SCYL3: variants seen among roughly 807,000 people sequenced by gnomAD.
SCYL3 encodes protein-associating with the carboxyl-terminal domain of ezrin.
SCYL3 carries 35 observed loss-of-function variants against 73.8 expected under a neutral mutation model. The ratio of observed to expected loss-of-function variants is 0.47; its 90% CI spans 0.36 to 0.63. The LOEUF is 0.63. Among genes scored for constraint, SCYL3 ranks in the 20% least tolerant of loss-of-function variants. The probability of loss-of-function intolerance (pLI) is 0.00; values close to 1 mark genes in which losing one functional copy is unlikely to be tolerated. For missense variants in SCYL3, 712 were observed against 798.9 expected (o/e 0.89, Z 1.31); for synonymous variants, 277 against 295.2 (o/e 0.94, Z 0.63).
At position 169,862,643 on chromosome 1, in the gene SCYL3, C is replaced by T. The variant is rs753670337; in HGVS notation, c.1110G>A (p.Gln370=). Residue 370 remains glutamine (Q), a synonymous_variant, in exon 10 of 13, where the codon CAG becomes CAA. Transcript: ENST00000367771. The part of the protein sequence containing the change: ...HIEAYVEHFT[Q]EQLKKVILPQ... The stretch of plus-strand genomic sequence containing the variant: ...GCAAGATGACTTTCTTCAGCTGCTC[C>T]TGAGTGAAGTGCTCCACGTAGGCCT... 2 of 1,614,212 alleles carry T rather than the reference C, an allele frequency of 1.2e-6. No homozygotes were observed. The highest frequency in any genetic ancestry group is 1.7e-6 in the Non-Finnish European group (2 of 1,180,032).
At chr1:169,890,609 T>G (rs1404502915) in intron 1 of SCYL3, among the ~76,000 whole-genome samples, 3 of 152,204 alleles carry the variant, frequency 2.0e-5, no homozygotes, top group African/African-American at 7.2e-5. Context: ...TGCCTACCGA[T>G]CCACAACCAT....
Position 169,850,314 on chromosome 1 carries a change from C to G in SCYL3, c.*3399G>C. The G allele has an allele frequency of 6.2e-7, 1 of 1,611,618 alleles. No individual in the cohort carries two copies. Among genetic ancestry groups the G allele is most frequent in the Non-Finnish European group, 8.5e-7 (1 of 1,177,922 alleles). On this transcript the variant is annotated 3_prime_UTR_variant, in exon 13 of 13. Transcript: ENST00000367771. ...CCACAGTGTCTCAGTTCTGAAGAAA[C>G]TAAGAACAAAGTTGTATCCTTTCTG...
At chr1:169,887,539 G>A (rs1017094882) in intron 2 of SCYL3, among the ~76,000 whole-genome samples, 2 of 152,118 alleles carry the variant, frequency 1.3e-5, no homozygotes, top group African/African-American at 4.8e-5. Context: ...GACATTAACT[G>A]TAAGAACAAG....
intron 3 of SCYL3, among the ~76,000 whole-genome samples, chr1:169,876,688 G>C (rs1660839523): frequency 6.6e-6 from 1 of 152,070 alleles, no homozygotes; most frequent in Non-Finnish European, 1.5e-5. Flanking sequence ...AGGTGCAGTG[G>C]CTCACGCCTG....
At chr1:169,856,639 T>C (rs1452108698) in intron 11 of SCYL3, among the ~76,000 whole-genome samples, 4 of 152,114 alleles carry the variant, frequency 2.6e-5, no homozygotes, top group Admixed American at 6.6e-5. Context: ...CTCCACTCAT[T>C]TGTGCCACTA....
chr1:169,883,604 C>T (rs1661461006), intron 2 of SCYL3, among the ~76,000 whole-genome samples: 1 of 152,098 alleles, frequency 6.6e-6, no homozygotes, highest in Admixed American at 6.5e-5. Context: ...GCATAAGAAT[C>T]CATACCCTGC....
intron 9 of SCYL3, 106 bp from the exon 10 acceptor site, chr1:169,862,903 T>C (rs1659766096): frequency 9.6e-7 from 1 of 1,038,956 alleles, no homozygotes; most frequent in Non-Finnish European, 1.4e-6. Context: ...ATATTCTAAG[T>C]ACTCTTCTAA....
chr1:169,852,711 T>TAAGC lies in SCYL3; in HGVS notation c.*998_*1001dup. The TAAGC allele has an allele frequency of 6.9e-7, 1 of 1,442,482 alleles. No individual in the cohort carries two copies. Among genetic ancestry groups the TAAGC allele is most frequent in the East Asian group, 2.3e-5 (1 of 43,804 alleles). The allele number at this position is 1,442,482 out of a possible 1,614,324, so 89.4% of individuals were successfully genotyped here. ...CAATGACTAGAATAAAATTTGCATG[T>TAAGC]AAGCTTTACTCCAGTCCAAAAGGAA... On this transcript the variant is annotated 3_prime_UTR_variant, in exon 13 of 13. Transcript: ENST00000367771.
At position 169,853,336 on chromosome 1, in the gene SCYL3, T is replaced by TACTC; in HGVS notation, c.*373_*376dup. Reference sequence around the variant, plus strand: ...TAAAGTTGTATTTCATAATAGAGCTTACTCTTATGTTAAAGAATGGCACAA... The same window carrying TACTC: ...TAAAGTTGTATTTCATAATAGAGCTTACTCACTCTTATGTTAAAGAATGGCACAA... On this transcript the variant is annotated 3_prime_UTR_variant, in exon 13 of 13. Transcript: ENST00000367771. 1 of 324,486 alleles carries TACTC rather than the reference T, an allele frequency of 3.1e-6. No individual in the cohort carries two copies. The highest frequency in any genetic ancestry group is 2.2e-5 in the African/African-American group (1 of 46,508). 20.1% of individuals were successfully genotyped at this position (324,486 alleles called of 1,614,324 possible).
chr1:169,882,910 G>A (rs539657835), intron 2 of SCYL3, among the ~76,000 whole-genome samples: 1 of 152,292 alleles, frequency 6.6e-6, no homozygotes, highest in African/African-American at 2.4e-5. Context: ...GGCCGGATAA[G>A]AGAATAAAAG....
At chr1:169,888,605 T>G in intron 2 of SCYL3, 71 bp downstream of exon 2, 3 of 1,270,998 alleles carry the variant, frequency 2.4e-6, no homozygotes, top group Non-Finnish European at 3.3e-6. Flanking sequence ...ACTTTACTAA[T>G]TTCATATTTT....
chr1:169,867,305 C>T (rs1660099788), intron 7 of SCYL3, among the ~76,000 whole-genome samples: 1 of 152,094 alleles, frequency 6.6e-6, no homozygotes, highest in Admixed American at 6.5e-5. Flanking sequence ...ATGACATTAC[C>T]ATTACAAAAT....
At chr1:169,892,698 C>T (rs555291721) in intron 1 of SCYL3, among the ~76,000 whole-genome samples, 1 of 152,280 alleles carries the variant, frequency 6.6e-6, no homozygotes, top group South Asian at 2.1e-4. Flanking sequence ...TTAATAATCT[C>T]CCTCCACTCT....
At chr1:169,863,008 G>A (rs1324427254) in intron 9 of SCYL3, among the ~76,000 whole-genome samples, 7 of 152,038 alleles carry the variant, frequency 4.6e-5, no homozygotes, top group Non-Finnish European at 5.9e-5. Flanking sequence ...CTCCTCCCAG[G>A]TTCAAGCAAT....
intron 7 of SCYL3, among the ~76,000 whole-genome samples, chr1:169,867,848 A>C (rs1341179840): frequency 1.3e-5 from 2 of 152,158 alleles, no homozygotes; most frequent in Non-Finnish European, 2.9e-5. Context: ...TTTACAATAC[A>C]ACTCTTAATA....
At chr1:169,873,558 T>C in intron 5 of SCYL3, 138 bp downstream of exon 5, 1 of 573,962 alleles carries the variant, frequency 1.7e-6, no homozygotes, top group East Asian at 3.0e-5. Context: ...AGATTAATCT[T>C]AGAAAGCTTT....
At chr1:169,864,574 T>A in intron 8 of SCYL3, 66 bp from the exon 9 acceptor site, 1 of 1,436,250 alleles carries the variant, frequency 7.0e-7, no homozygotes, top group Non-Finnish European at 9.4e-7. Context: ...TTGTACAGTT[T>A]AGCCTACACA....
intron 3 of SCYL3, among the ~76,000 whole-genome samples, chr1:169,878,341 G>A (rs1186300555): frequency 6.6e-6 from 1 of 152,178 alleles, no homozygotes; most frequent in Non-Finnish European, 1.5e-5. Flanking sequence ...GCCAGCTGTA[G>A]CTATGTTTAG....
intron 2 of SCYL3, among the ~76,000 whole-genome samples, chr1:169,879,763 A>G (rs1200391549): frequency 6.6e-6 from 1 of 152,224 alleles, no homozygotes; most frequent in Non-Finnish European, 1.5e-5. Flanking sequence ...GAATTACCAG[A>G]AAGAATTTAA....
Sources: gnomAD v4.1 joint callset for allele counts (sites outside exome capture counted in the v4.1 genomes callset) on GRCh38, gnomAD v4.1.1 for gene constraint, MANE v1.5 for transcripts, NCBI Gene and HGNC (gene_info 2026-07-23, HGNC 2026-07-21) for gene names.